GNAI1: variants seen among roughly 807,000 people sequenced by gnomAD.
GNAI1 encodes the protein G protein subunit alpha i1.
In GNAI1, 11 loss-of-function variants were observed where a neutral mutation model predicts 38.9. The ratio of observed to expected loss-of-function variants is 0.28; its 90% CI spans 0.18 to 0.47. The LOEUF (loss-of-function observed/expected upper bound fraction) is 0.47. Ranked by LOEUF, GNAI1 falls within the 20% of genes least tolerant of loss-of-function variation. The probability of loss-of-function intolerance (pLI) is 0.99; values close to 1 mark genes in which losing one functional copy is unlikely to be tolerated. For missense variants in GNAI1, 317 were observed against 436.9 expected, an observed-to-expected ratio of 0.73 and a Z score of 2.45; for synonymous variants, 166 against 145.1, an observed-to-expected ratio of 1.14 and a Z score of -1.04.
rs762294492 is a variant in GNAI1, at chr7:80,224,809, C to T, written c.*7316C>T. Among the ~76,000 whole-genome samples the T allele has an allele frequency of 3.9e-5, 6 of 152,066 alleles. No individual in the cohort carries two copies. Among genetic ancestry groups the T allele is most frequent in the Non-Finnish European group, 8.8e-5 (6 of 68,012 alleles). On this transcript the variant is annotated 3_prime_UTR_variant, in exon 8 of 8. Transcript: ENST00000649796. ...TGTAAAATACAAGAGTTCAGATACA[C>T]AGAATTTAAAAATTACATGTTGAAC...
chr7:80,146,567 T>C (rs938813845), intron 1 of GNAI1, among the ~76,000 whole-genome samples: 1 of 152,160 alleles, frequency 6.6e-6, no homozygotes, highest in Admixed American at 6.5e-5. Context: ...AGTTAAACTT[T>C]ACTATGCATA....
intron 1 of GNAI1, among the ~76,000 whole-genome samples, chr7:80,154,825 C>T (rs1787792190): frequency 6.6e-6 from 1 of 152,172 alleles, no homozygotes; most frequent in Non-Finnish European, 1.5e-5. Flanking sequence ...GCTTTGGGCT[C>T]AGCAATAGCT....
rs1302882394 is a variant in GNAI1, at chr7:80,220,508, C to T, written c.*3015C>T. ...TCTCTAGGCTTAGACCTGACCAATCCGAGTCCTCCAGCATTGGACGAGTGA... is the reference window on the plus strand; with the variant it reads ...TCTCTAGGCTTAGACCTGACCAATCTGAGTCCTCCAGCATTGGACGAGTGA... On this transcript the variant is annotated 3_prime_UTR_variant, in exon 8 of 8. Transcript: ENST00000649796. Among the ~76,000 whole-genome samples, 6 of 152,298 alleles carry T rather than the reference C, an allele frequency of 3.9e-5. No homozygotes were observed. The highest frequency in any genetic ancestry group is 2.1e-4 in the South Asian group (1 of 4,826).
At chr7:80,151,033 C>T (rs1054931167) in intron 1 of GNAI1, among the ~76,000 whole-genome samples, 1 of 152,120 alleles carries the variant, frequency 6.6e-6, no homozygotes, top group Non-Finnish European at 1.5e-5. Flanking sequence ...TTGTTCTCTT[C>T]ATTAGCATGG....
At position 80,221,304 on chromosome 7, in the gene GNAI1, A is replaced by T. The variant is rs941609039; in HGVS notation, c.*3811A>T. Among the ~76,000 whole-genome samples, 5 of 152,218 alleles carry T rather than the reference A, an allele frequency of 3.3e-5. No homozygotes were observed. The highest frequency in any genetic ancestry group is 7.3e-5 in the Non-Finnish European group (5 of 68,040). ...TAATGGTTGTTGTCAGCATTAAATA[A>T]GTTCACAGTACATGTTAAGTACCTA... On this transcript the variant is annotated 3_prime_UTR_variant, in exon 8 of 8. Coordinates refer to ENST00000649796, the MANE Select transcript of GNAI1 (RefSeq NM_002069.6).
intron 7 of GNAI1, among the ~76,000 whole-genome samples, chr7:80,214,979 G>T (rs1788936256): frequency 6.6e-6 from 1 of 152,044 alleles, no homozygotes; most frequent in East Asian, 1.9e-4. Flanking sequence ...GGTTGGTTGG[G>T]TTGGTCGGTT....
chr7:80,217,225 T>TATGAAACTGACTTCAGTTTCATAC (rs1788987467), intron 7 of GNAI1, 78 bp from the exon 8 acceptor site: 2 of 904,862 alleles, frequency 2.2e-6, no homozygotes, highest in African/African-American at 3.5e-5. Context: ...CAGTTTCATA[T>TATGAAACTGACTTCAGTTTCATAC]GTATGAAACT....
intron 1 of GNAI1, among the ~76,000 whole-genome samples, chr7:80,159,359 C>T (rs1280165265): frequency 6.6e-6 from 1 of 152,112 alleles, no homozygotes; most frequent in Non-Finnish European, 1.5e-5. Context: ...TACCCTGTAG[C>T]CCCACCTTGA....
Position 80,224,098 on chromosome 7 carries a change from T to A in GNAI1, c.*6605T>A, listed in dbSNP as rs1789121540. Among the ~76,000 whole-genome samples the A allele has an allele frequency of 1.3e-5, 2 of 152,198 alleles. No individual in the cohort carries two copies. The highest frequency in any genetic ancestry group is 1.3e-4 in the Admixed American group (2 of 15,278). ...ATCAAGACCTTGAAAAATGTACTCA[T>A]ATAGTAAGATTTACTCAAAACCACG... On this transcript the variant is annotated 3_prime_UTR_variant, in exon 8 of 8. Coordinates refer to ENST00000649796, the MANE Select transcript of GNAI1 (RefSeq NM_002069.6).
chr7:80,217,643 A>G lies in GNAI1; in HGVS notation c.*150A>G. The G allele has an allele frequency of 2.1e-6, 1 of 472,892 alleles. No homozygotes were observed. The allele number at this position is 472,892 out of a possible 1,614,324, so 29.3% of individuals were successfully genotyped here. ...AAAGTTGTTCTGTTTTGTTTTTTTA[A>G]CTGAAAGTAACAGAAGGACCTTTCT... On this transcript the variant is annotated 3_prime_UTR_variant, in exon 8 of 8. Transcript: ENST00000649796.
intron 3 of GNAI1, among the ~76,000 whole-genome samples, chr7:80,197,914 T>C (rs550442312): frequency 6.6e-6 from 1 of 152,240 alleles, no homozygotes; most frequent in East Asian, 1.9e-4. Context: ...CTTATAATAA[T>C]GTGTGCCATC....
intron 5 of GNAI1, among the ~76,000 whole-genome samples, chr7:80,207,607 C>G (rs1014353931): frequency 1.3e-5 from 2 of 152,018 alleles, no homozygotes; most frequent in African/African-American, 4.8e-5. Context: ...TTCAACTTTG[C>G]TTTTTATAGG....
rs114696209 is a variant in GNAI1 at position 80,201,484 on chromosome 7, T to C, written c.461+2102T>C. 3.2e-3 allele frequency among the ~76,000 whole-genome samples: 490 copies of C among 152,182 alleles called. 5 individuals are homozygous for C. Among genetic ancestry groups the C allele is most frequent in the African/African-American group, 0.011 (472 of 41,536 alleles). ...TTGTAATCCCAGCATTTTGGGAGGC[T>C]GAGGTGAGAGGATCGCTTGAGCCCA... On this transcript the variant is annotated intron_variant, in intron 4 of 7. Coordinates refer to ENST00000649796, the MANE Select transcript of GNAI1 (RefSeq NM_002069.6).
Position 80,222,536 on chromosome 7 carries a change from C to G in GNAI1, c.*5043C>G, listed in dbSNP as rs560920965. Among the ~76,000 whole-genome samples, 2 of 151,658 alleles carry G rather than the reference C, an allele frequency of 1.3e-5. No homozygotes were observed. Among genetic ancestry groups the G allele is most frequent in the Admixed American group, 1.3e-4 (2 of 15,224 alleles). ...CCGAGTAGCTGGGATTACAGGCATG[C>G]GACACTACACCCAACTAATCTTGTA... is the stretch of plus-strand genomic sequence containing the variant. On this transcript the variant is annotated 3_prime_UTR_variant, in exon 8 of 8. Coordinates refer to ENST00000649796, the MANE Select transcript of GNAI1 (RefSeq NM_002069.6).
intron 1 of GNAI1, 32 bp downstream of exon 1, chr7:80,135,310 G>C (rs2116052505): frequency 9.5e-6 from 12 of 1,268,560 alleles, no homozygotes; most frequent in Non-Finnish European, 1.2e-5. Context: ...CCCGGGGGTC[G>C]GCGGGGGACC....
intron 1 of GNAI1, among the ~76,000 whole-genome samples, chr7:80,144,811 A>G (rs1302446662): frequency 1.3e-5 from 2 of 152,222 alleles, no homozygotes; most frequent in Admixed American, 1.3e-4. Context: ...TCCAAGAATT[A>G]CATTTATTTC....
In GNAI1 at chr7:80,218,045, CA is replaced by C. The variant is rs1789004012; in HGVS notation, c.*553del. 1 of 152,492 alleles carries C rather than the reference CA, an allele frequency of 6.6e-6. No homozygotes were observed. The allele number at this position is 152,492 out of a possible 1,614,324, so 9.4% of individuals were successfully genotyped here. A position where few individuals can be genotyped will look rare whatever the true frequency, so the allele number is the denominator to read the frequency against. On this transcript the variant is annotated 3_prime_UTR_variant, in exon 8 of 8. Transcript: ENST00000649796. ...AAAAATGTTATTTGTACAAACATTG[CA>C]CAGACTATTTTAATAACATGATTTG...
In GNAI1 at chr7:80,221,878, G is replaced by T. The variant is rs1789083998; in HGVS notation, c.*4385G>T. Among the ~76,000 whole-genome samples the T allele has an allele frequency of 6.6e-6, 1 of 152,032 alleles. No homozygotes were observed. The highest frequency in any genetic ancestry group is 6.6e-5 in the Admixed American group (1 of 15,264). ...GATGGTCTTGATCACCTGACCTTGT[G>T]ATCTGACCGCCTCGGCCTCCCAAAG... On this transcript the variant is annotated 3_prime_UTR_variant, in exon 8 of 8. Transcript: ENST00000649796.
intron 7 of GNAI1, 59 bp from the exon 8 acceptor site, chr7:80,217,244 T>TTTCCTATGTATGAAACTGA: frequency 3.7e-6 from 4 of 1,093,794 alleles, no homozygotes; most frequent in Non-Finnish European, 3.9e-6. Flanking sequence ...CTGAATTCAG[T>TTTCCTATGTATGAAACTGA]ATTTTAAGCA....
Sources: gnomAD v4.1 joint callset for allele counts (sites outside exome capture counted in the v4.1 genomes callset) on GRCh38, gnomAD v4.1.1 for gene constraint, MANE v1.5 for transcripts, NCBI Gene and HGNC (gene_info 2026-07-23, HGNC 2026-07-21) for gene names.